Variants in SLC25A21 observed in about 807,000 individuals in gnomAD.
The protein encoded by SLC25A21 is solute carrier family 25 member 21.
Under a neutral mutation model 43.8 loss-of-function variants are expected in SLC25A21, and 47 were observed. The ratio of observed to expected loss-of-function variants is 1.07; its 90% CI spans 0.85 to 1.37. The LOEUF (loss-of-function observed/expected upper bound fraction) is 1.37. SLC25A21 is among the 40% of genes most tolerant of loss of function. The pLI is 0.00. For synonymous variants in SLC25A21, 131 were observed against 121.3 expected (o/e 1.08, Z -0.52); for missense variants, 352 against 350.2 (o/e 1.00, Z -0.04).
chr14:36,764,450 G>A (rs556289916), intron 3 of SLC25A21, among the ~76,000 whole-genome samples: 2 of 147,894 alleles, frequency 1.4e-5, no homozygotes, highest in South Asian at 2.3e-4. Flanking sequence ...GGCTCCATGA[G>A]ATTGAAGCAC....
At chr14:36,988,447 T>C (rs1197346832) in intron 1 of SLC25A21, among the ~76,000 whole-genome samples, 4 of 152,166 alleles carry the variant, frequency 2.6e-5, no homozygotes, top group Non-Finnish European at 1.5e-5. Flanking sequence ...AGAGTGAAAG[T>C]ATGGGGCCTT....
At chr14:37,047,392 C>G (rs1023813575) in intron 1 of SLC25A21, among the ~76,000 whole-genome samples, 1 of 152,074 alleles carries the variant, frequency 6.6e-6, no homozygotes, top group Non-Finnish European at 1.5e-5. Context: ...TGAAACCAGA[C>G]CAAAGTTGGA....
intron 6 of SLC25A21, among the ~76,000 whole-genome samples, chr14:36,721,211 T>C (rs755122678): frequency 1.3e-5 from 2 of 152,256 alleles, no homozygotes; most frequent in Non-Finnish European, 2.9e-5. Flanking sequence ...GTTGTAATAA[T>C]AATGACTAAC....
intron 3 of SLC25A21, among the ~76,000 whole-genome samples, chr14:36,754,265 T>C (rs1477720501): frequency 1.3e-5 from 2 of 152,142 alleles, no homozygotes; most frequent in Non-Finnish European, 2.9e-5. Flanking sequence ...TGACCTTTCC[T>C]GGAGAAAGAG....
At chr14:36,830,818 T>C (rs747145804) in intron 2 of SLC25A21, among the ~76,000 whole-genome samples, 2 of 152,116 alleles carry the variant, frequency 1.3e-5, no homozygotes, top group Admixed American at 6.6e-5. Flanking sequence ...TTAGATTTAC[T>C]AGGACTTCAT....
chr14:36,713,022 G>C (rs966789603), intron 6 of SLC25A21, among the ~76,000 whole-genome samples: 4 of 152,138 alleles, frequency 2.6e-5, no homozygotes, highest in Non-Finnish European at 5.9e-5. Context: ...GGGAAGGAGA[G>C]GGCAGCTTTC....
At chr14:37,000,465 T>C (rs1960463334) in intron 1 of SLC25A21, among the ~76,000 whole-genome samples, 1 of 152,162 alleles carries the variant, frequency 6.6e-6, no homozygotes. Flanking sequence ...TCCTACTCAT[T>C]GTGTTCCAGG....
intron 3 of SLC25A21, among the ~76,000 whole-genome samples, chr14:36,755,560 T>G (rs1032353141): frequency 3.3e-5 from 5 of 152,214 alleles, no homozygotes; most frequent in Admixed American, 6.5e-5. Flanking sequence ...CACACTTGGA[T>G]GCTATGGTAA....
At chr14:36,915,758 T>C (rs1891814220) in intron 1 of SLC25A21, among the ~76,000 whole-genome samples, 1 of 152,126 alleles carries the variant, frequency 6.6e-6, no homozygotes, top group Non-Finnish European at 1.5e-5. Context: ...TAACGAGAGG[T>C]CAACATTCTG....
intron 1 of SLC25A21, among the ~76,000 whole-genome samples, chr14:37,007,103 A>G (rs1231570545): frequency 6.6e-6 from 1 of 152,244 alleles, no homozygotes; most frequent in Non-Finnish European, 1.5e-5. Context: ...ACACAGCAAA[A>G]CTTACTGAAA....
chr14:37,172,308 G>A lies in SLC25A21; in HGVS notation c.43C>T (p.Arg15Trp). Residue 15 changes from arginine to tryptophan, a missense_variant, in exon 1 of 10, where the codon CGG becomes TGG. By Grantham distance (101) the Arg-to-Trp change is moderately radical. Transcript: ENST00000331299. ...GCAGAACCACCGGCCACGATCTGCC[G>A]AGAAGCCTCGCGCACTAAGCTGACT... ...PEVSLVREAS[R>W]QIVAGGSAGL... The A allele has an allele frequency of 5.0e-6, 8 of 1,602,242 alleles. No individual in the cohort carries two copies. Among genetic ancestry groups the A allele is most frequent in the Non-Finnish European group, 6.8e-6 (8 of 1,174,590 alleles).
At chr14:36,918,166 T>C (rs1891882442) in intron 1 of SLC25A21, among the ~76,000 whole-genome samples, 1 of 152,164 alleles carries the variant, frequency 6.6e-6, no homozygotes, top group South Asian at 2.1e-4. Context: ...GGCTTTCTTA[T>C]ACCACAAGAT....
chr14:37,081,431 C>A (rs1463845704), intron 1 of SLC25A21, among the ~76,000 whole-genome samples: 2 of 152,170 alleles, frequency 1.3e-5, no homozygotes, highest in Non-Finnish European at 1.5e-5. Context: ...AGTGGCCTCA[C>A]CTCATGACCA....
At chr14:36,780,742 A>G (rs1307224105) in intron 3 of SLC25A21, among the ~76,000 whole-genome samples, 2 of 152,024 alleles carry the variant, frequency 1.3e-5, no homozygotes, top group Non-Finnish European at 1.5e-5. Flanking sequence ...TTGTGGCATA[A>G]TATATAATCT....
At chr14:36,789,993 T>C (rs1282431037) in intron 3 of SLC25A21, among the ~76,000 whole-genome samples, 5 of 137,046 alleles carry the variant, frequency 3.6e-5, no homozygotes, top group Non-Finnish European at 7.6e-5. Context: ...ATATATATTT[T>C]TCCTAGTGGA....
intron 1 of SLC25A21, among the ~76,000 whole-genome samples, chr14:36,949,628 A>AT (rs966901829): frequency 9.9e-5 from 15 of 150,994 alleles, no homozygotes; most frequent in East Asian, 5.9e-4. Flanking sequence ...TGTTTATGGG[A>AT]TTTTTTTTTC....
chr14:37,125,886 C>T (rs192461352), intron 1 of SLC25A21, among the ~76,000 whole-genome samples: 128 of 152,184 alleles, frequency 8.4e-4, no homozygotes, highest in African/African-American at 3.0e-3. Flanking sequence ...ATCCCAGGTA[C>T]GTAGCAATTC....
At chr14:36,741,006 T>C (rs180815253) in intron 3 of SLC25A21, among the ~76,000 whole-genome samples, 17 of 152,252 alleles carry the variant, frequency 1.1e-4, no homozygotes, top group East Asian at 5.8e-4. Context: ...TTGTGGTAAA[T>C]AGTGGGTAGA....
intron 1 of SLC25A21, among the ~76,000 whole-genome samples, chr14:37,147,928 G>A (rs1039500431): frequency 5.2e-4 from 71 of 137,300 alleles, no homozygotes; most frequent in African/African-American, 1.8e-3. Context: ...TGCAACCTCC[G>A]CCTCCCGGGT....
Sources: gnomAD v4.1 joint callset for allele counts (sites outside exome capture counted in the v4.1 genomes callset) on GRCh38, gnomAD v4.1.1 for gene constraint, MANE v1.5 for transcripts, NCBI Gene and HGNC (gene_info 2026-07-23, HGNC 2026-07-21) for gene names.